Variants in CTNNA2 observed in about 807,000 individuals in gnomAD.
CTNNA2 encodes the protein catenin alpha-2.
In CTNNA2, 42 loss-of-function variants were observed where a neutral mutation model predicts 101.0. That is an observed-to-expected ratio of 0.42 (90% CI 0.32 to 0.54). The LOEUF is 0.54. CTNNA2 is among the 20% of genes least tolerant of loss of function. The pLI is 0.14. For missense variants in CTNNA2, 871 were observed against 1,223.1 expected (o/e 0.71, Z 4.29); for synonymous variants, 450 against 456.4 (o/e 0.99, Z 0.18).
chr2:79,891,399 A>G lies in CTNNA2; in HGVS notation c.852+17057A>G, dbSNP rs534264232. Among the ~76,000 whole-genome samples the G allele has an allele frequency of 4.1e-4, 63 of 152,316 alleles. 1 individual carries two copies. The highest frequency in any genetic ancestry group is 2.4e-4 in the Non-Finnish European group (16 of 68,020). On this transcript the variant is annotated intron_variant, in intron 6 of 18. Coordinates refer to ENST00000402739, the MANE Select transcript of CTNNA2 (RefSeq NM_001282597.3). ...TATTTCAAAGATTTTAAGATCCTAC[A>G]TTTTAACAACACAATCTTGTGTTTG...
intron 18 of CTNNA2, among the ~76,000 whole-genome samples, chr2:80,621,234 A>G (rs183952252): frequency 1.1e-3 from 171 of 152,054 alleles, no homozygotes; most frequent in African/African-American, 4.1e-3. Flanking sequence ...CCCTGCTCTA[A>G]AAATCTATGG....
chr2:80,468,950 T>G (rs559980374), intron 9 of CTNNA2, among the ~76,000 whole-genome samples: 2 of 152,248 alleles, frequency 1.3e-5, no homozygotes, highest in African/African-American at 4.8e-5. Flanking sequence ...TTGAACCAAA[T>G]GAAAGCTAAA....
chr2:79,839,579 C>T (rs1257657227), intron 3 of CTNNA2, among the ~76,000 whole-genome samples: 1 of 152,018 alleles, frequency 6.6e-6, no homozygotes, highest in Admixed American at 6.5e-5. Flanking sequence ...TTACCCTTAA[C>T]ATACGTATTT....
intron 12 of CTNNA2, among the ~76,000 whole-genome samples, chr2:80,570,180 C>G (rs1694456841): frequency 6.6e-6 from 1 of 152,114 alleles, no homozygotes; most frequent in Non-Finnish European, 1.5e-5. Context: ...TCTCGAGTAG[C>G]TGGGATTACA....
chr2:79,357,071 A>T (rs1677523897), intron 3 of CTNNA2, among the ~76,000 whole-genome samples: 1 of 152,180 alleles, frequency 6.6e-6, no homozygotes. Flanking sequence ...TCACATCTGT[A>T]ATCCTAACAC....
At chr2:79,315,686 T>C (rs1676480788) in intron 3 of CTNNA2, among the ~76,000 whole-genome samples, 1 of 152,148 alleles carries the variant, frequency 6.6e-6, no homozygotes, top group African/African-American at 2.4e-5. Flanking sequence ...TTTACACATT[T>C]TTGCTACTAT....
At chr2:80,018,055 T>A (rs1275086729) in intron 7 of CTNNA2, among the ~76,000 whole-genome samples, 1 of 152,196 alleles carries the variant, frequency 6.6e-6, no homozygotes, top group Non-Finnish European at 1.5e-5. Context: ...AGCATAAATA[T>A]GTTCATGATT....
intron 2 of CTNNA2, among the ~76,000 whole-genome samples, chr2:79,743,188 C>G (rs28618289): frequency 0.04 from 5,790 of 145,010 alleles, 323 homozygotes; most frequent in African/African-American, 0.12. Context: ...AAAAAAAATA[C>G]AGCAGTAAAC....
intron 12 of CTNNA2, among the ~76,000 whole-genome samples, chr2:80,570,209 T>G (rs1323177491): frequency 1.3e-5 from 2 of 152,082 alleles, no homozygotes; most frequent in Non-Finnish European, 1.5e-5. Context: ...CCACCATGCC[T>G]GGCTATGTTT....
intron 18 of CTNNA2, among the ~76,000 whole-genome samples, chr2:80,621,605 G>A (rs1671126903): frequency 6.6e-6 from 1 of 151,916 alleles, no homozygotes; most frequent in South Asian, 2.1e-4. Flanking sequence ...AATTATTGGG[G>A]ATGTAAAAAA....
chr2:80,348,672 CAT>C (rs1255985993), intron 7 of CTNNA2, among the ~76,000 whole-genome samples: 3 of 152,048 alleles, frequency 2.0e-5, no homozygotes, highest in Admixed American at 6.6e-5. Context: ...TACACATAGA[CAT>C]GTGTAGCTTT....
chr2:80,348,488 G>A (rs762958691), intron 7 of CTNNA2, among the ~76,000 whole-genome samples: 9 of 152,156 alleles, frequency 5.9e-5, no homozygotes, highest in South Asian at 2.1e-4. Context: ...TTGCACAGCC[G>A]GTCATTGGAA....
chr2:80,325,101 A>T (rs189892382), intron 7 of CTNNA2, among the ~76,000 whole-genome samples: 13 of 152,336 alleles, frequency 8.5e-5, no homozygotes, highest in Non-Finnish European at 1.5e-4. Flanking sequence ...GCAAGGCATT[A>T]AAAATATGTT....
intron 4 of CTNNA2, among the ~76,000 whole-genome samples, chr2:79,464,436 C>A (rs11903754): frequency 0.57 from 86,669 of 151,978 alleles, 24,887 homozygotes; most frequent in South Asian, 0.66. Context: ...TAGTGCCACA[C>A]TAAACATACG....
intron 12 of CTNNA2, among the ~76,000 whole-genome samples, chr2:80,559,878 T>TATCTATCTATC (rs1693393440): frequency 6.7e-4 from 76 of 114,000 alleles, no homozygotes; most frequent in Middle Eastern, 5.1e-3. Context: ...GATATCATAT[T>TATCTATCTATC]TATATATATA....
intron 7 of CTNNA2, among the ~76,000 whole-genome samples, chr2:80,137,815 T>C (rs1358437827): frequency 6.6e-6 from 1 of 152,044 alleles, no homozygotes; most frequent in African/African-American, 2.4e-5. Context: ...TTTGGACACT[T>C]GATCATTCCA....
intron 1 of CTNNA2, among the ~76,000 whole-genome samples, chr2:79,579,291 C>T (rs1284723040): frequency 2.0e-5 from 3 of 146,574 alleles, no homozygotes; most frequent in Non-Finnish European, 3.0e-5. Flanking sequence ...TCCCCTGCTA[C>T]TTATTTTCTT....
chr2:80,343,430 A>T (rs1174133295), intron 7 of CTNNA2, among the ~76,000 whole-genome samples: 1 of 150,770 alleles, frequency 6.6e-6, no homozygotes, highest in East Asian at 2.0e-4. Flanking sequence ...AAAAACACAT[A>T]AAAAAAATCT....
intron 1 of CTNNA2, among the ~76,000 whole-genome samples, chr2:79,189,799 C>T (rs1212704267): frequency 6.6e-6 from 1 of 152,122 alleles, no homozygotes; most frequent in Non-Finnish European, 1.5e-5. Flanking sequence ...GCTCCCAGTA[C>T]TTGAGGAAGG....
Sources: gnomAD v4.1 joint callset for allele counts (sites outside exome capture counted in the v4.1 genomes callset) on GRCh38, gnomAD v4.1.1 for gene constraint, MANE v1.5 for transcripts, NCBI Gene and HGNC (gene_info 2026-07-23, HGNC 2026-07-21) for gene names.